SETBP1: variants seen among roughly 807,000 people sequenced by gnomAD.
SETBP1 encodes the protein SET-binding protein.
A neutral mutation model predicts 101.0 loss-of-function variants in SETBP1; 9 were observed. The ratio of observed to expected loss-of-function variants is 0.09; its 90% CI spans 0.05 to 0.16. The LOEUF (loss-of-function observed/expected upper bound fraction) is 0.16. Ranked by LOEUF, SETBP1 falls within the 10% of genes least tolerant of loss-of-function variation. SETBP1 has a pLI of 1.00. For missense variants in SETBP1, 1,858 were observed against 2,033.8 expected (o/e 0.91, Z 1.66); for synonymous variants, 818 against 788.5 (o/e 1.04, Z -0.63).
chr18:45,054,595 C>G (rs543162506), intron 5 of SETBP1, among the ~76,000 whole-genome samples: 103 of 152,326 alleles, frequency 6.8e-4, no homozygotes, highest in South Asian at 3.1e-3. Flanking sequence ...ATTCATGATG[C>G]ACCTTACAGG....
At chr18:44,714,580 A>G (rs371647615) in intron 2 of SETBP1, among the ~76,000 whole-genome samples, 6 of 151,106 alleles carry the variant, frequency 4.0e-5, no homozygotes, top group Admixed American at 6.6e-5. Context: ...AGTTAGAAAC[A>G]TCTGAAATCT....
chr18:45,031,805 G>T (rs1375884467), intron 4 of SETBP1, among the ~76,000 whole-genome samples: 1 of 152,156 alleles, frequency 6.6e-6, no homozygotes, highest in Non-Finnish European at 1.5e-5. Context: ...TGAAACAGGA[G>T]GTATATTCTG....
chr18:44,778,928 TCGAGC>T (rs2071064450), intron 2 of SETBP1, among the ~76,000 whole-genome samples: 1 of 151,450 alleles, frequency 6.6e-6, no homozygotes, highest in African/African-American at 2.4e-5. Context: ...GTCAGAGCCT[TCGAGC>T]TGCGAGCTGA....
intron 2 of SETBP1, among the ~76,000 whole-genome samples, chr18:44,857,561 C>T (rs2073003522): frequency 6.6e-6 from 1 of 151,836 alleles, no homozygotes; most frequent in Non-Finnish European, 1.5e-5. Flanking sequence ...CTTCTTTGTG[C>T]TATAAATAAA....
intron 2 of SETBP1, among the ~76,000 whole-genome samples, chr18:44,770,923 T>C (rs1407136705): frequency 2.0e-5 from 3 of 152,060 alleles, no homozygotes; most frequent in Admixed American, 2.0e-4. Flanking sequence ...TATAGAGAAC[T>C]GTGTGGCCCT....
intron 2 of SETBP1, among the ~76,000 whole-genome samples, chr18:44,720,901 A>ACCC (rs1207713861): frequency 1.1e-5 from 1 of 90,326 alleles, no homozygotes; most frequent in African/African-American, 4.1e-5. Context: ...GAGCCCTCCA[A>ACCC]CCCCCACCCC....
At chr18:44,923,282 C>T (rs1281159281) in intron 3 of SETBP1, among the ~76,000 whole-genome samples, 1 of 152,192 alleles carries the variant, frequency 6.6e-6, no homozygotes, top group Non-Finnish European at 1.5e-5. Context: ...AGCTCAATTC[C>T]ATTTGTGTAA....
chr18:44,882,839 GTA>G (rs1568198648), intron 3 of SETBP1, among the ~76,000 whole-genome samples: 2 of 152,148 alleles, frequency 1.3e-5, no homozygotes, highest in Non-Finnish European at 2.9e-5. Context: ...GCGTTCACAT[GTA>G]TGTTTTCCCT....
At chr18:44,730,810 C>T (rs748070650) in intron 2 of SETBP1, among the ~76,000 whole-genome samples, 5 of 152,292 alleles carry the variant, frequency 3.3e-5, no homozygotes, top group African/African-American at 7.2e-5. Context: ...CCTTTATAGA[C>T]GAGACACAAG....
chr18:44,948,447 G>T (rs1243658937), intron 3 of SETBP1, among the ~76,000 whole-genome samples: 1 of 151,672 alleles, frequency 6.6e-6, no homozygotes, highest in Non-Finnish European at 1.5e-5. Flanking sequence ...TAAAGCATAA[G>T]TTCTATAGCT....
chr18:44,831,666 G>A (rs1223502622), intron 2 of SETBP1, among the ~76,000 whole-genome samples: 1 of 152,158 alleles, frequency 6.6e-6, no homozygotes, highest in Non-Finnish European at 1.5e-5. Context: ...GAAGAGGAGT[G>A]AGTAAGGTAA....
chr18:44,876,608 G>T (rs1302721422), intron 3 of SETBP1: 16 of 1,551,316 alleles, frequency 1.0e-5, no homozygotes, highest in African/African-American at 1.4e-5. Context: ...AGAAGAGGAG[G>T]CCAAGGCATC....
chr18:44,834,355 A>T (rs2072445940), intron 2 of SETBP1, among the ~76,000 whole-genome samples: 1 of 152,220 alleles, frequency 6.6e-6, no homozygotes, highest in South Asian at 2.1e-4. Flanking sequence ...ATAAGTCAAG[A>T]CATGGCACCT....
chr18:44,976,073 T>TACACACACACACAC (rs57458132), intron 4 of SETBP1, among the ~76,000 whole-genome samples: 7 of 143,578 alleles, frequency 4.9e-5, no homozygotes, highest in African/African-American at 1.8e-4. Flanking sequence ...TGGGGAGGGA[T>TACACACACACACAC]ACACACACAC....
At chr18:44,948,675 T>C (rs538526162) in intron 3 of SETBP1, among the ~76,000 whole-genome samples, 5 of 152,356 alleles carry the variant, frequency 3.3e-5, no homozygotes, top group South Asian at 4.1e-4. Context: ...CTACTTTATG[T>C]ATAAATTGGG....
At chr18:45,030,601 T>C (rs1045673398) in intron 4 of SETBP1, among the ~76,000 whole-genome samples, 7 of 150,482 alleles carry the variant, frequency 4.7e-5, no homozygotes, top group Non-Finnish European at 8.8e-5. Context: ...AGTTCCTCCT[T>C]GTACCTCCGG....
intron 3 of SETBP1, among the ~76,000 whole-genome samples, chr18:44,933,893 C>T (rs1314546118): frequency 6.6e-6 from 1 of 152,148 alleles, no homozygotes; most frequent in Non-Finnish European, 1.5e-5. Flanking sequence ...ACCCCTTATG[C>T]CTCCCAGGTG....
chr18:44,867,675 G>A (rs2144670252), intron 2 of SETBP1, among the ~76,000 whole-genome samples: 1 of 152,214 alleles, frequency 6.6e-6, no homozygotes, highest in South Asian at 2.1e-4. Flanking sequence ...CCACCAGGGT[G>A]GTGCTGCCTG....
At chr18:44,805,557 C>G (rs971995413) in intron 2 of SETBP1, among the ~76,000 whole-genome samples, 1 of 152,076 alleles carries the variant, frequency 6.6e-6, no homozygotes, top group Non-Finnish European at 1.5e-5. Context: ...GTGTTTTTAC[C>G]CTGGACATCT....
Sources: allele counts gnomAD v4.1 joint callset (sites outside exome capture counted in the v4.1 genomes callset), GRCh38; gene constraint gnomAD v4.1.1; transcripts MANE v1.5; gene names NCBI Gene and HGNC (gene_info 2026-07-23, HGNC 2026-07-21).